The following KHDC1 variants were observed in gnomAD, a reference collection of about 807,000 sequenced individuals.
The protein encoded by KHDC1 is KH homology domain-containing protein 1.
KHDC1 carries 21 observed loss-of-function variants against 24.7 expected under a neutral mutation model. The ratio of observed to expected loss-of-function variants is 0.85; its 90% CI spans 0.60 to 1.23. KHDC1 has a LOEUF of 1.23. Among genes scored for constraint, KHDC1 ranks in the 50% most tolerant of loss-of-function variants. The pLI is 0.00. For synonymous variants in KHDC1, 98 were observed against 111.7 expected (o/e 0.88, Z 0.77); for missense variants, 274 against 298.5 (o/e 0.92, Z 0.61).
intron 1 of KHDC1, among the ~76,000 whole-genome samples, chr6:73,303,236 A>T (rs1280815983): frequency 6.6e-6 from 1 of 151,572 alleles, no homozygotes; most frequent in Non-Finnish European, 1.5e-5. Context: ...TAGAGAATAA[A>T]ATGGTGGTTA....
chr6:73,263,611 TG>T (rs10611256), intron 2 of KHDC1, among the ~76,000 whole-genome samples: 21,276 of 141,268 alleles, frequency 0.15, 2,735 homozygotes, highest in African/African-American at 0.37. Context: ...GGTGTCGCGG[TG>T]GGGGGGGGGG....
chr6:73,277,999 TCTCTC>T (rs1554226411), intron 2 of KHDC1, among the ~76,000 whole-genome samples: 3 of 138,346 alleles, frequency 2.2e-5, no homozygotes, highest in African/African-American at 8.4e-5. Context: ...TCTCTCTCTC[TCTCTC>T]GGGTGTTTTT....
intron 2 of KHDC1, among the ~76,000 whole-genome samples, chr6:73,283,760 G>C (rs551772115): frequency 2.5e-4 from 37 of 150,680 alleles, no homozygotes; most frequent in African/African-American, 6.8e-4. Flanking sequence ...ATTTTTAGTA[G>C]GGAAAGGGTT....
rs1182042180 is a variant in KHDC1 at position 73,298,098 on chromosome 6, G to A, written c.164-6058C>T. Among the ~76,000 whole-genome samples the A allele has an allele frequency of 2.0e-5, 3 of 152,154 alleles. No individual in the cohort carries two copies. In the East Asian group the frequency reaches 5.8e-4, roughly 29 times the overall value. The stretch of plus-strand genomic sequence containing the variant: ...CCCAGCTACTCAGGAGGCTGAGACA[G>A]AAGAATCCTTGAACCTGGGAGGCAG... On this transcript the variant is annotated intron_variant, in intron 1 of 4. Coordinates refer to ENST00000370384, the Ensembl canonical transcript of KHDC1.
chr6:73,254,502 AT>A (rs1280070957), intron 2 of KHDC1, among the ~76,000 whole-genome samples: 2 of 149,074 alleles, frequency 1.3e-5, no homozygotes, highest in Admixed American at 6.6e-5. Flanking sequence ...AAATAAATAA[AT>A]AAATAAATAA....
chr6:73,252,026 G>A (rs975933138), intron 2 of KHDC1, among the ~76,000 whole-genome samples: 1 of 150,622 alleles, frequency 6.6e-6, no homozygotes, highest in Non-Finnish European at 1.5e-5. Context: ...CCCAGGCCTT[G>A]GCCTAAATCA....
At chr6:73,266,985 C>T (rs1004659056) in intron 2 of KHDC1, among the ~76,000 whole-genome samples, 31 of 151,976 alleles carry the variant, frequency 2.0e-4, no homozygotes, top group East Asian at 1.2e-3. Context: ...CCCAGAAGTT[C>T]GAGACCAGCG....
At chr6:73,270,980 G>A (rs564785576) in intron 2 of KHDC1, among the ~76,000 whole-genome samples, 6 of 152,084 alleles carry the variant, frequency 3.9e-5, no homozygotes, top group African/African-American at 9.6e-5. Context: ...GTGAGCCACC[G>A]CGCCCGGCCT....
intron 1 of KHDC1, chr6:73,292,799 T>C (rs1767680812): frequency 1.4e-6 from 1 of 711,498 alleles, no homozygotes; most frequent in Admixed American, 1.8e-5. Context: ...ACAGGAGTCT[T>C]ACACATATAA....
At chr6:73,241,531 A>G (rs1766565595) in exon 5 of KHDC1, 2 of 1,613,578 alleles carry the variant, frequency 1.2e-6, no homozygotes, top group Non-Finnish European at 1.7e-6. Flanking sequence ...GTCCTTAATT[A>G]CGGATACAGT....
At chr6:73,283,147 T>A (rs1325476289) in intron 2 of KHDC1, among the ~76,000 whole-genome samples, 1 of 152,194 alleles carries the variant, frequency 6.6e-6, no homozygotes, top group Non-Finnish European at 1.5e-5. Flanking sequence ...CTTATTGTAA[T>A]CTTTTGAAGG....
At chr6:73,278,077 T>C (rs1202336657) in intron 2 of KHDC1, among the ~76,000 whole-genome samples, 1 of 146,290 alleles carries the variant, frequency 6.8e-6, no homozygotes, top group Admixed American at 7.1e-5. Flanking sequence ...GGTGGTGCGA[T>C]CTCAGCTCAC....
chr6:73,272,857 TTTTTC>T lies in KHDC1; in HGVS notation c.206+19136_206+19140del, dbSNP rs1328540033. Among the ~76,000 whole-genome samples the T allele has an allele frequency of 7.8e-3, 998 of 127,824 alleles. 15 individuals are homozygous for T. Among genetic ancestry groups the T allele is most frequent in the African/African-American group, 0.031 (938 of 30,404 alleles). 83.9% of individuals were successfully genotyped at this position (127,824 alleles called of 152,430 possible). A position where few individuals can be genotyped will look rare whatever the true frequency, so the allele number is the denominator to read the frequency against. The stretch of plus-strand genomic sequence containing the variant: ...TAATTTTTTCTTTTCTTTTCTTTTC[TTTTTC>T]TTTTTTTTTTTTTGGAGATGGAGTC... On this transcript the variant is annotated intron_variant, in intron 2 of 4. Coordinates refer to ENST00000370384, the Ensembl canonical transcript of KHDC1.
At chr6:73,242,033 C>T (rs1766579548) in intron 4 of KHDC1, 22 bp downstream of exon 3, 3 of 1,594,572 alleles carry the variant, frequency 1.9e-6, no homozygotes, top group South Asian at 2.3e-5. Flanking sequence ...TCTAAAACCA[C>T]AGTTCAGCCA....
rs1267759836 is a variant in KHDC1 at position 73,292,525 on chromosome 6, C to A, written c.164-485G>T. 6.5e-6 allele frequency: 5 copies of A among 769,104 alleles called. 1 individual carries two copies. Among genetic ancestry groups the A allele is most frequent in the South Asian group, 2.7e-5 (2 of 74,354 alleles). 47.6% of individuals were successfully genotyped at this position (769,104 alleles called of 1,614,324 possible). On this transcript the variant is annotated intron_variant, in intron 1 of 4. Transcript: ENST00000370384. ...AGAATTGGGATGCAGACATGGAAGA[C>A]CTTACATGGTTAAAAGAGACCATAG...
intron 1 of KHDC1, chr6:73,292,789 A>G (rs989325620): frequency 2.7e-5 from 19 of 715,400 alleles, no homozygotes; most frequent in African/African-American, 2.1e-4. Context: ...AAGTTACTCA[A>G]CAGGAGTCTT....
rs951021 is a variant in KHDC1 at position 73,243,041 on chromosome 6, G to A, written c.207-511C>T. ...GAATGTTGTAGGGAGCCAATCGTAG[G>A]AGTTGACTGGGTGAGTCTAAGGAGT... On this transcript the variant is annotated intron_variant, in intron 2 of 4. Transcript: ENST00000370384. Among the ~76,000 whole-genome samples the A allele has an allele frequency of 8.0e-3, 1,211 of 152,218 alleles. 19 individuals carry two copies. The highest frequency in any genetic ancestry group is 0.027 in the African/African-American group (1,136 of 41,526).
At chr6:73,277,759 G>T (rs1767324325) in intron 2 of KHDC1, among the ~76,000 whole-genome samples, 2 of 151,758 alleles carry the variant, frequency 1.3e-5, no homozygotes, top group African/African-American at 4.8e-5. Flanking sequence ...GGTAGCAGTA[G>T]GTGGGACAGA....
intron 1 of KHDC1, among the ~76,000 whole-genome samples, chr6:73,304,517 T>C (rs981727111): frequency 6.6e-6 from 1 of 152,132 alleles, no homozygotes; most frequent in Non-Finnish European, 1.5e-5. Flanking sequence ...CCCAGGCTGG[T>C]CTTGAACTCC....
Sources: allele counts gnomAD v4.1 joint callset (sites outside exome capture counted in the v4.1 genomes callset), GRCh38; gene constraint gnomAD v4.1.1; transcripts MANE v1.5; gene names NCBI Gene and HGNC (gene_info 2026-07-23, HGNC 2026-07-21).